MYO16: variants seen among roughly 807,000 people sequenced by gnomAD.
MYO16 encodes myosin XVI.
A neutral mutation model predicts 205.3 loss-of-function variants in MYO16; 94 were observed. That is an observed-to-expected ratio of 0.46 (90% CI 0.39 to 0.54). MYO16 has a LOEUF of 0.54. MYO16 is among the 20% of genes least tolerant of loss of function. The pLI is 0.00. For synonymous variants in MYO16, 988 were observed against 954.0 expected (o/e 1.04, Z -0.66); for missense variants, 2,315 against 2,387.5 (o/e 0.97, Z 0.63).
chr13:109,083,105 G>A (rs745741928), intron 27 of MYO16, among the ~76,000 whole-genome samples: 16 of 151,956 alleles, frequency 1.1e-4, no homozygotes, highest in African/African-American at 3.6e-4. Flanking sequence ...TCTGCAGATC[G>A]GGCGAGGTAG....
At chr13:108,770,544 A>G (rs1013598304) in intron 4 of MYO16, among the ~76,000 whole-genome samples, 1 of 152,190 alleles carries the variant, frequency 6.6e-6, no homozygotes, top group Non-Finnish European at 1.5e-5. Flanking sequence ...CTGTCACATT[A>G]GCCTCTCTGA....
chr13:108,880,428 G>A (rs1325659244), intron 12 of MYO16, among the ~76,000 whole-genome samples: 2 of 152,298 alleles, frequency 1.3e-5, no homozygotes, highest in African/African-American at 4.8e-5. Context: ...TAGTCATGAA[G>A]TCTTTGCCCA....
chr13:108,917,338 A>C (rs1230483717), intron 16 of MYO16, among the ~76,000 whole-genome samples: 2 of 152,128 alleles, frequency 1.3e-5, no homozygotes, highest in African/African-American at 4.8e-5. Context: ...TAACAGGAGG[A>C]AGGGGAAGGG....
intron 20 of MYO16, among the ~76,000 whole-genome samples, chr13:108,965,428 C>T (rs1357234206): frequency 9.9e-5 from 15 of 152,016 alleles, no homozygotes; most frequent in African/African-American, 2.7e-4. Flanking sequence ...TTTTCTGAGA[C>T]GGAGTTTCAC....
the MYO16 span, among the ~76,000 whole-genome samples, chr13:108,543,238 A>G: frequency 6.6e-6 from 1 of 152,192 alleles, no homozygotes; most frequent in Non-Finnish European, 1.5e-5. Flanking sequence ...TTAAAGTTTA[A>G]TTGCAATAAT....
At chr13:108,994,579 C>T (rs1884942998) in intron 21 of MYO16, among the ~76,000 whole-genome samples, 1 of 152,104 alleles carries the variant, frequency 6.6e-6, no homozygotes, top group African/African-American at 2.4e-5. Context: ...TTTTATTCCA[C>T]TACAAACTTG....
the MYO16 span, among the ~76,000 whole-genome samples, chr13:108,573,070 C>T: frequency 1.3e-5 from 2 of 152,202 alleles, no homozygotes; most frequent in African/African-American, 2.4e-5. Flanking sequence ...AATGCCTCCT[C>T]GCTTCTCTGG....
rs1342122159 is a variant in MYO16 at position 109,055,403 on chromosome 13, A to G, written c.3143A>G (p.Asp1048Gly). The G allele has an allele frequency of 6.2e-7, 1 of 1,611,192 alleles. No homozygotes were observed. The highest frequency in any genetic ancestry group is 8.5e-7 in the Non-Finnish European group (1 of 1,178,258). Residue 1048 changes from aspartate (D) to glycine (G), a missense_variant, in exon 27 of 35, where the codon GAT (aspartate) becomes GGT (glycine). Asp to Gly is a moderately conservative substitution (Grantham distance 94). Transcript: ENST00000457511. This position sits in a 1 kb window ranked among gnomAD's most constrained non-coding sequence, Gnocchi z 5.0. ...IASQLRKSLM[D>G]IIGKLQKCTP... ...TTCTCTCCTTAGAAATCACTAATGG[A>G]TATTATTGGAAAACTTCAGAAGTGC...
intron 9 of MYO16, among the ~76,000 whole-genome samples, chr13:108,831,452 C>T (rs1395498468): frequency 6.6e-6 from 1 of 152,136 alleles, no homozygotes; most frequent in Non-Finnish European, 1.5e-5. Context: ...TATTGCCTTC[C>T]TTCTTGGTAC....
intron 9 of MYO16, among the ~76,000 whole-genome samples, chr13:108,835,305 C>G (rs984213684): frequency 6.6e-6 from 1 of 152,170 alleles, no homozygotes; most frequent in Non-Finnish European, 1.5e-5. Flanking sequence ...GGCATTTCCC[C>G]CTGCTGGCAC....
intron 16 of MYO16, among the ~76,000 whole-genome samples, chr13:108,929,426 A>C (rs1882151402): frequency 6.6e-6 from 1 of 152,220 alleles, no homozygotes; most frequent in African/African-American, 2.4e-5. Context: ...TTCAATAATA[A>C]CAAAAAGCAG....
At chr13:109,155,558 AC>A (rs1877968297) in intron 32 of MYO16, among the ~76,000 whole-genome samples, 1 of 152,188 alleles carries the variant, frequency 6.6e-6, no homozygotes, top group Non-Finnish European at 1.5e-5. Flanking sequence ...TAGAAATATG[AC>A]CTGTCCACAT....
In MYO16 at chr13:108,708,561, T is replaced by A. The variant is rs11618054; in HGVS notation, c.293-4100T>A. Among the ~76,000 whole-genome samples, 18 of 151,938 alleles carry A rather than the reference T, an allele frequency of 1.2e-4. No individual in the cohort carries two copies. The South Asian group carries it at 2.1e-3, about 17-fold the overall frequency. On this transcript the variant is annotated intron_variant, in intron 2 of 34. Transcript: ENST00000457511. ...AACTTCTTATCACCTGTGATTGTCC[T>A]TCCCTCTGTCTGGAAACTGTCTTCT... is the stretch of plus-strand genomic sequence containing the variant.
At chr13:108,783,734 A>C (rs150443656) in intron 4 of MYO16, among the ~76,000 whole-genome samples, 2 of 152,142 alleles carry the variant, frequency 1.3e-5, no homozygotes, top group Non-Finnish European at 1.5e-5. Context: ...ATAGTGAATA[A>C]GTCTCATGAG....
chr13:109,034,541 T>C (rs1886651345), intron 23 of MYO16, among the ~76,000 whole-genome samples: 1 of 152,248 alleles, frequency 6.6e-6, no homozygotes, highest in African/African-American at 2.4e-5. Flanking sequence ...TGCTGAACTG[T>C]GAGGCAATTA....
intron 2 of MYO16, among the ~76,000 whole-genome samples, chr13:108,698,070 T>C (rs974977484): frequency 6.6e-6 from 1 of 152,172 alleles, no homozygotes; most frequent in African/African-American, 2.4e-5. Flanking sequence ...CTGCAGATTG[T>C]GCTCTTATTT....
Position 108,732,500 on chromosome 13 carries a change from G to A in MYO16, c.507+4917G>A, listed in dbSNP as rs149420308. Among the ~76,000 whole-genome samples the A allele has an allele frequency of 7.4e-4, 113 of 152,224 alleles. 1 individual carries two copies. The highest frequency in any genetic ancestry group is 2.4e-3 in the African/African-American group (100 of 41,540). On this transcript the variant is annotated intron_variant, in intron 4 of 34. Coordinates refer to ENST00000457511, the MANE Select transcript of MYO16 (RefSeq NM_001198950.3). ...TGCAAGTGTGCCAGCCAGAGGGGAC[G>A]GTACATAGAAAGCTATGTGGCAGGG...
At chr13:108,578,499 A>G in the MYO16 span, among the ~76,000 whole-genome samples, 2 of 152,200 alleles carry the variant, frequency 1.3e-5, no homozygotes, top group Non-Finnish European at 2.9e-5. Context: ...GGCATGTTAT[A>G]AACAAGCATC....
chr13:108,880,577 A>C (rs1182496024), intron 12 of MYO16, among the ~76,000 whole-genome samples: 1 of 152,202 alleles, frequency 6.6e-6, no homozygotes, highest in Non-Finnish European at 1.5e-5. Flanking sequence ...AGCTTTCTAC[A>C]TATGGCTAGC....
Sources: allele counts gnomAD v4.1 joint callset (sites outside exome capture counted in the v4.1 genomes callset), GRCh38; gene constraint gnomAD v4.1.1; non-coding constraint Gnocchi (gnomAD v3.1); transcripts MANE v1.5; gene names NCBI Gene and HGNC (gene_info 2026-07-23, HGNC 2026-07-21).